The following TTC23L variants were observed in gnomAD, a reference collection of about 807,000 sequenced individuals.
TTC23L encodes tetratricopeptide repeat protein 23-like.
In TTC23L, 42 loss-of-function variants were observed where a neutral mutation model predicts 48.1. The ratio of observed to expected loss-of-function variants is 0.87; its 90% confidence interval spans 0.68 to 1.13. The LOEUF (loss-of-function observed/expected upper bound fraction) is 1.13, where lower values mean the gene tolerates loss of function less well. TTC23L is among the 50% of genes most tolerant of loss of function. The pLI is 0.00. For synonymous variants in TTC23L, 159 were observed against 157.2 expected (o/e 1.01, Z -0.09); for missense variants, 391 against 421.0 (o/e 0.93, Z 0.62).
the TTC23L span, chr5:34,916,017 C>G: frequency 6.5e-6 from 8 of 1,223,840 alleles, no homozygotes; most frequent in Non-Finnish European, 8.8e-6. Flanking sequence ...AACGGTAGGT[C>G]GGTTTTAGCA....
the TTC23L span, chr5:34,923,288 T>C: frequency 7.3e-7 from 1 of 1,377,970 alleles, no homozygotes; most frequent in Non-Finnish European, 1.0e-6. Context: ...GTTTATTTAT[T>C]TATGTTTTGA....
chr5:34,867,084 C>T lies in TTC23L; in HGVS notation c.840+15C>T, dbSNP rs1191671234. The T allele has an allele frequency of 6.2e-7, 1 of 1,604,764 alleles. No homozygotes were observed. Among genetic ancestry groups the T allele is most frequent in the East Asian group, 2.3e-5 (1 of 44,366 alleles). ...ACTTGCAGCAGGTCAGTGGGTTGGC[C>T]AGAGCCCAGGCTGGGTTGCCTTGTT... On this transcript the variant is annotated intron_variant, in intron 7 of 10. Transcript: ENST00000505624.
chr5:34,900,030 T>C (rs1049670292), downstream of TTC23L, among the ~76,000 whole-genome samples: 1 of 152,236 alleles, frequency 6.6e-6, no homozygotes, highest in Non-Finnish European at 1.5e-5. Context: ...TCCCTTTTTC[T>C]AACTCTATTC....
At chr5:34,874,505 T>TA (rs1285598685) in intron 8 of TTC23L, among the ~76,000 whole-genome samples, 1 of 152,062 alleles carries the variant, frequency 6.6e-6, no homozygotes, top group Non-Finnish European at 1.5e-5. Context: ...AAGAGTTTTT[T>TA]AAAAAAGTGT....
chr5:34,908,850 T>A, the TTC23L span: 1 of 1,612,132 alleles, frequency 6.2e-7, no homozygotes, highest in Non-Finnish European at 8.5e-7. Flanking sequence ...TCTAATCATA[T>A]ACTGTAATGA....
At chr5:34,850,944 G>A (rs1241160327) in intron 4 of TTC23L, among the ~76,000 whole-genome samples, 1 of 152,164 alleles carries the variant, frequency 6.6e-6, no homozygotes, top group Non-Finnish European at 1.5e-5. Context: ...CGCATTTCAG[G>A]AACCAGGGAC....
intron 8 of TTC23L, 56 bp from the exon 9 acceptor site, chr5:34,880,125 T>C (rs1411413028): frequency 1.3e-6 from 2 of 1,562,818 alleles, no homozygotes; most frequent in South Asian, 1.2e-5. Flanking sequence ...AAAGCTGATA[T>C]TAGACATTTG....
intron 8 of TTC23L, among the ~76,000 whole-genome samples, chr5:34,876,997 T>TATC (rs913362938): frequency 8.6e-5 from 13 of 151,860 alleles, no homozygotes; most frequent in African/African-American, 3.1e-4. Flanking sequence ...AAAAAAAAAT[T>TATC]ATCAAGATTT....
chr5:34,917,698 G>A, the TTC23L span, among the ~76,000 whole-genome samples: 1 of 152,246 alleles, frequency 6.6e-6, no homozygotes, highest in East Asian at 1.9e-4. Context: ...ATCTATTGGA[G>A]GTGCTCATGT....
intron 6 of TTC23L, among the ~76,000 whole-genome samples, chr5:34,865,738 C>T (rs569722341): frequency 6.6e-6 from 1 of 152,256 alleles, no homozygotes; most frequent in South Asian, 2.1e-4. Context: ...TTTCATTCTG[C>T]CACTCAGGCT....
intron 1 of TTC23L, chr5:34,839,743 T>C (rs1758440666): frequency 9.1e-6 from 7 of 771,346 alleles, no homozygotes; most frequent in African/African-American, 1.9e-5. Context: ...ATTCAATAAG[T>C]AACTGCGTTC....
chr5:34,853,246 A>G (rs991729818), intron 4 of TTC23L, among the ~76,000 whole-genome samples: 1 of 152,102 alleles, frequency 6.6e-6, no homozygotes, highest in African/African-American at 2.4e-5. Flanking sequence ...AGTAGTGTGT[A>G]GTGGCTGGGT....
intron 4 of TTC23L, among the ~76,000 whole-genome samples, chr5:34,852,840 G>A (rs1235875705): frequency 6.6e-6 from 1 of 152,292 alleles, no homozygotes; most frequent in East Asian, 1.9e-4. Context: ...CATGTGGCTT[G>A]TGAGGCCTCA....
chr5:34,860,547 A>G (rs942623882), intron 4 of TTC23L, among the ~76,000 whole-genome samples: 2 of 152,098 alleles, frequency 1.3e-5, no homozygotes, highest in Non-Finnish European at 1.5e-5. Context: ...TAACTACTGG[A>G]AGTGTGGGAC....
At chr5:34,908,712 TA>T in the TTC23L span, 7 of 1,453,656 alleles carry the variant, frequency 4.8e-6, no homozygotes, top group Non-Finnish European at 6.6e-6. Flanking sequence ...GTACTCAGAA[TA>T]AGAACTTCAT....
At chr5:34,871,725 G>A (rs1343749061) in intron 8 of TTC23L, among the ~76,000 whole-genome samples, 1 of 152,100 alleles carries the variant, frequency 6.6e-6, no homozygotes, top group Non-Finnish European at 1.5e-5. Context: ...TCTATAATCA[G>A]ACACCAATAA....
chr5:34,871,672 ATG>A (rs1198390857), intron 8 of TTC23L, among the ~76,000 whole-genome samples: 2 of 152,198 alleles, frequency 1.3e-5, no homozygotes, highest in Non-Finnish European at 2.9e-5. Context: ...AATCAAGAGA[ATG>A]TGGTATATTG....
downstream of TTC23L, among the ~76,000 whole-genome samples, chr5:34,901,347 T>C (rs1219842963): frequency 6.6e-6 from 1 of 152,226 alleles, no homozygotes; most frequent in Non-Finnish European, 1.5e-5. Context: ...ATAGCCTGTT[T>C]GAGGTCACCA....
chr5:34,853,804 C>T (rs1432600979), intron 4 of TTC23L, among the ~76,000 whole-genome samples: 1 of 152,136 alleles, frequency 6.6e-6, no homozygotes, highest in African/African-American at 2.4e-5. Flanking sequence ...TTGGTAGAGA[C>T]AAGTACACTC....
Sources: allele counts gnomAD v4.1 joint callset (sites outside exome capture counted in the v4.1 genomes callset), GRCh38; gene constraint gnomAD v4.1.1; transcripts MANE v1.5; gene names NCBI Gene and HGNC (gene_info 2026-07-23, HGNC 2026-07-21).